The following IL1RAPL1 variants were observed in gnomAD, a reference collection of about 807,000 sequenced individuals.
The protein encoded by IL1RAPL1 is interleukin 1 receptor accessory protein like 1.
A neutral mutation model predicts 48.4 loss-of-function variants in IL1RAPL1; 3 were observed. The ratio of observed to expected loss-of-function variants is 0.06; its 90% CI spans 0.03 to 0.16. The LOEUF is 0.16. IL1RAPL1 is among the 10% of genes least tolerant of loss of function. The probability of loss-of-function intolerance (pLI) is 1.00; values close to 1 mark genes in which losing one functional copy is unlikely to be tolerated. For synonymous variants in IL1RAPL1, 185 were observed against 187.7 expected (o/e 0.99, Z 0.12); for missense variants, 349 against 530.6 (o/e 0.66, Z 3.36).
chrX:29,222,063 A>G (rs928386246), intron 2 of IL1RAPL1, among the ~76,000 whole-genome samples: 1 of 109,968 alleles, frequency 9.1e-6, no homozygotes, highest in African/African-American at 3.3e-5. Context: ...TCACCAAACA[A>G]ATATAAGCAC....
intron 2 of IL1RAPL1, among the ~76,000 whole-genome samples, chrX:29,225,954 C>T (rs1931069787): frequency 9.0e-6 from 1 of 111,213 alleles, no homozygotes; most frequent in South Asian, 3.8e-4. Flanking sequence ...AGAAGCTTGT[C>T]TAAAGTTGGG....
chrX:29,188,173 G>T (rs1930288151), intron 2 of IL1RAPL1, among the ~76,000 whole-genome samples: 1 of 111,930 alleles, frequency 8.9e-6, no homozygotes, highest in Admixed American at 9.5e-5. Flanking sequence ...CTACTCCTCT[G>T]TGTCTTTACA....
intron 2 of IL1RAPL1, among the ~76,000 whole-genome samples, chrX:29,225,309 T>C (rs777611605): frequency 8.9e-6 from 1 of 112,229 alleles, no homozygotes; most frequent in Non-Finnish European, 1.9e-5. Flanking sequence ...TCCGTGCTTA[T>C]CTAACATTGT....
At chrX:28,792,680 T>C (rs1161800804) in intron 2 of IL1RAPL1, among the ~76,000 whole-genome samples, 3 of 95,095 alleles carry the variant, frequency 3.2e-5, no homozygotes, top group East Asian at 3.4e-4. Flanking sequence ...CCCAGCTACT[T>C]GGGAGGCTGA....
At chrX:29,270,224 G>A (rs1932019598) in intron 2 of IL1RAPL1, among the ~76,000 whole-genome samples, 1 of 111,689 alleles carries the variant, frequency 9.0e-6, no homozygotes, top group Non-Finnish European at 1.9e-5. Flanking sequence ...TTGTGTGCAC[G>A]TGTATAGACG....
chrX:29,726,017 G>A (rs769146823), intron 6 of IL1RAPL1, among the ~76,000 whole-genome samples: 5 of 111,929 alleles, frequency 4.5e-5, no homozygotes, highest in African/African-American at 6.5e-5. Context: ...CAACAAGCAC[G>A]CAACAAGCAA....
intron 2 of IL1RAPL1, among the ~76,000 whole-genome samples, chrX:28,863,493 G>T (rs1407801671): frequency 8.6e-5 from 9 of 104,553 alleles, no homozygotes; most frequent in African/African-American, 3.2e-4. Flanking sequence ...AAAAGGGTTT[G>T]TTATGAGGAT....
chrX:29,124,374 G>A (rs538639978), intron 2 of IL1RAPL1, among the ~76,000 whole-genome samples: 5 of 111,930 alleles, frequency 4.5e-5, no homozygotes, highest in South Asian at 7.3e-4. Flanking sequence ...AATTATCGTC[G>A]GAAATTATTT....
chrX:29,070,254 T>C (rs775360597), intron 2 of IL1RAPL1, among the ~76,000 whole-genome samples: 2 of 112,198 alleles, frequency 1.8e-5, no homozygotes, highest in East Asian at 2.8e-4. Flanking sequence ...TAGAATGATA[T>C]GTATTGCTTC....
intron 6 of IL1RAPL1, among the ~76,000 whole-genome samples, chrX:29,725,047 C>A (rs758733406): frequency 1.8e-5 from 2 of 110,560 alleles, no homozygotes; most frequent in Non-Finnish European, 1.9e-5. Context: ...ACAGTCAACT[C>A]TGAATTACAT....
intron 1 of IL1RAPL1, among the ~76,000 whole-genome samples, chrX:28,682,423 C>T (rs1295721242): frequency 9.0e-6 from 1 of 111,201 alleles, no homozygotes; most frequent in Non-Finnish European, 1.9e-5. Flanking sequence ...ATTCTTCTGC[C>T]TCAGCCACCC....
chrX:28,733,759 A>G (rs1490046077), intron 1 of IL1RAPL1, among the ~76,000 whole-genome samples: 1 of 111,531 alleles, frequency 9.0e-6, no homozygotes, highest in Non-Finnish European at 1.9e-5. Flanking sequence ...GGTTTTAAAT[A>G]TCATTTGATT....
chrX:29,910,649 G>GTAAA (rs1457044278), intron 6 of IL1RAPL1, among the ~76,000 whole-genome samples: 1 of 111,448 alleles, frequency 9.0e-6, no homozygotes, highest in Non-Finnish European at 1.9e-5. Context: ...ACAAAAGTAG[G>GTAAA]TAAATAAAAA....
intron 2 of IL1RAPL1, among the ~76,000 whole-genome samples, chrX:28,930,832 G>A (rs757258908): frequency 1.2e-4 from 13 of 110,493 alleles, no homozygotes; most frequent in Admixed American, 1.2e-3. Flanking sequence ...TGGTAGAGAC[G>A]GGGTTTCACC....
At chrX:29,637,545 T>A (rs1433707021) in intron 5 of IL1RAPL1, among the ~76,000 whole-genome samples, 1 of 111,598 alleles carries the variant, frequency 9.0e-6, no homozygotes, top group Admixed American at 9.6e-5. Flanking sequence ...ATGTTTTAAA[T>A]TTTTTTGTAT....
chrX:29,300,699 G>C lies in IL1RAPL1; in HGVS notation c.362+17482G>C, dbSNP rs73212153. 7.9e-3 allele frequency among the ~76,000 whole-genome samples: 884 copies of C among 112,179 alleles called. 5 individuals carry two copies. The highest frequency in any genetic ancestry group is 0.011 in the Non-Finnish European group (595 of 53,194). ...ACAGTGTAGAAATCTCATGTAGATA[G>C]CTAGTACAAAAGAATAAAAATGTTG... On this transcript the variant is annotated intron_variant, in intron 3 of 10. Transcript: ENST00000378993.
At chrX:29,636,805 G>A (rs372333392) in intron 5 of IL1RAPL1, among the ~76,000 whole-genome samples, 47 of 111,716 alleles carry the variant, frequency 4.2e-4, no homozygotes, top group South Asian at 1.5e-3. Flanking sequence ...TTGGGAGGCC[G>A]AGGTGGGTGG....
rs1395086192 is a variant in IL1RAPL1, at chrX:29,410,322, G to A, written c.703+11014G>A. ...CCAAAAATACAAAAATTAGCTGGGT[G>A]TGGTGGTGCGTGCCTGTAGTCCCAG... is the stretch of plus-strand genomic sequence containing the variant. On this transcript the variant is annotated intron_variant, in intron 5 of 10. Coordinates refer to ENST00000378993, the MANE Select transcript of IL1RAPL1 (RefSeq NM_014271.4). 3.7e-5 allele frequency among the ~76,000 whole-genome samples: 4 copies of A among 109,433 alleles called. No homozygotes were observed. The East Asian group carries it at 1.2e-3, about 32-fold the overall frequency.
chrX:29,744,716 A>C, intron 6 of IL1RAPL1, among the ~76,000 whole-genome samples: 1 of 112,277 alleles, frequency 8.9e-6, no homozygotes, highest in East Asian at 2.8e-4. Context: ...TAATAAATAA[A>C]AGCTGCTTTG....
Sources: gnomAD v4.1 joint callset for allele counts (sites outside exome capture counted in the v4.1 genomes callset) on GRCh38, gnomAD v4.1.1 for gene constraint, MANE v1.5 for transcripts, NCBI Gene and HGNC (gene_info 2026-07-23, HGNC 2026-07-21) for gene names.